The following ITLN2 variants were observed in gnomAD, a reference collection of about 807,000 sequenced individuals.
ITLN2 encodes intelectin-2.
ITLN2 carries 29 observed loss-of-function variants against 39.4 expected under a neutral mutation model. The observed-to-expected ratio is 0.74, with a 90% CI of 0.55 to 1.00. The LOEUF (loss-of-function observed/expected upper bound fraction) is 1.00. Ranked by LOEUF, ITLN2 falls within the 50% of genes least tolerant of loss-of-function variation. ITLN2 has a pLI of 0.00. For missense variants in ITLN2, 412 were observed against 416.7 expected, an observed-to-expected ratio of 0.99 and a Z score of 0.10; for synonymous variants, 156 against 153.4, an observed-to-expected ratio of 1.02 and a Z score of -0.12.
intron 7 of ITLN2, among the ~76,000 whole-genome samples, chr1:160,947,228 A>C (rs2101936591): frequency 6.6e-6 from 1 of 152,338 alleles, no homozygotes; most frequent in African/African-American, 2.4e-5. Context: ...CACATAGGCT[A>C]GATTTATGTT....
intron 2 of ITLN2, among the ~76,000 whole-genome samples, chr1:160,954,065 A>C (rs1169744403): frequency 6.6e-6 from 1 of 152,212 alleles, no homozygotes; most frequent in Non-Finnish European, 1.5e-5. Flanking sequence ...TCCCAAGGCC[A>C]AGGCCACAAG....
At chr1:160,951,475 G>C (rs1051802808) in intron 3 of ITLN2, 185 bp from the exon 4 acceptor site, 19 of 689,804 alleles carry the variant, frequency 2.8e-5, no homozygotes, top group Non-Finnish European at 3.9e-5. Flanking sequence ...TGACTGTCTT[G>C]GCTTCACACT....
intron 7 of ITLN2, among the ~76,000 whole-genome samples, chr1:160,947,199 G>T (rs138813691): frequency 6.6e-6 from 1 of 152,204 alleles, no homozygotes; most frequent in Non-Finnish European, 1.5e-5. Flanking sequence ...TTCAAGGAAA[G>T]GTACTGTGCC....
Position 160,951,087 on chromosome 1 carries a change from T to A in ITLN2, c.397A>T (p.Asn133Tyr). 2 of 1,614,176 alleles carry A rather than the reference T, an allele frequency of 1.2e-6. No individual in the cohort carries two copies. The change falls in exon 4 of 8, where the codon AAC becomes TAC. Residue 133 changes from asparagine (N) to tyrosine (Y), a missense_variant. Coordinates refer to ENST00000368029, the MANE Select transcript of ITLN2 (RefSeq NM_080878.3). ...GCCGCCTCTGCAGATCCAAAGGTGT[T>A]GTAGTTGGCCCAGTTGCCATCCCCC... ...PEGDGNWANY[N>Y]TFGSAEAATS...
chr1:160,953,471 G>C (rs569341189), intron 2 of ITLN2, among the ~76,000 whole-genome samples: 1 of 152,238 alleles, frequency 6.6e-6, no homozygotes, highest in South Asian at 2.1e-4. Context: ...CAGCACTTTC[G>C]GAGGCCGAGG....
chr1:160,954,114 C>A (rs959837029), intron 2 of ITLN2, among the ~76,000 whole-genome samples: 1 of 152,172 alleles, frequency 6.6e-6, no homozygotes, highest in Non-Finnish European at 1.5e-5. Context: ...TCTCTCACCC[C>A]ATGAACCCCT....
At position 160,954,805 on chromosome 1, in the gene ITLN2, A is replaced by C; in HGVS notation, c.-64T>G. The C allele has an allele frequency of 6.4e-7, 1 of 1,570,004 alleles. No homozygotes were observed. Among genetic ancestry groups the C allele is most frequent in the Non-Finnish European group, 8.8e-7 (1 of 1,141,878 alleles). ...GACACTCGGAGCTCCCCTGCAGAGG[A>C]TCCTGATGAAGGGTGAAGTGCTGGT... On this transcript the variant is annotated 5_prime_UTR_variant, in exon 1 of 8. Coordinates refer to ENST00000368029, the MANE Select transcript of ITLN2 (RefSeq NM_080878.3).
chr1:160,946,555 C>CA (rs903149346), intron 7 of ITLN2, among the ~76,000 whole-genome samples: 20 of 150,058 alleles, frequency 1.3e-4, no homozygotes, highest in African/African-American at 2.4e-4. Flanking sequence ...ACTAAAAATA[C>CA]AAAAAAAATT....
In ITLN2 at chr1:160,954,745, T is replaced by C; in HGVS notation, c.-4A>G. Reference sequence around the variant, plus strand: ...TTCTCACCAGCATGGACAGCATCCTTACAGATGCCAGGAGCTGATAGTTCC... The same window carrying C: ...TTCTCACCAGCATGGACAGCATCCTCACAGATGCCAGGAGCTGATAGTTCC... On this transcript the variant is annotated 5_prime_UTR_variant, in exon 1 of 8. Coordinates refer to ENST00000368029, the MANE Select transcript of ITLN2 (RefSeq NM_080878.3). 6.2e-7 allele frequency: 1 copy of C among 1,614,040 alleles called. No individual in the cohort carries two copies. The highest frequency in any genetic ancestry group is 8.5e-7 in the Non-Finnish European group (1 of 1,179,948).
At chr1:160,954,623 C>A (rs1453157978) in intron 1 of ITLN2, 104 bp downstream of exon 1, 7 of 1,412,562 alleles carry the variant, frequency 5.0e-6, no homozygotes, top group Non-Finnish European at 7.0e-6. Context: ...TACAAATACC[C>A]AAGGGGCCAT....
At chr1:160,951,547 T>G in intron 3 of ITLN2, 1 of 433,930 alleles carries the variant, frequency 2.3e-6, no homozygotes, top group Non-Finnish European at 4.0e-6. Flanking sequence ...TATCTCCCTC[T>G]CGACAGTGCC....
chr1:160,950,868 C>A, intron 4 of ITLN2, 157 bp from the exon 5 acceptor site: 2 of 1,460,100 alleles, frequency 1.4e-6, no homozygotes, highest in East Asian at 2.3e-5. Context: ...ATCCCACCAC[C>A]ACCCAGGGCC....
Position 160,945,217 on chromosome 1 carries a change from C to A in ITLN2, c.901G>T (p.Asp301Tyr), listed in dbSNP as rs770716400. The A allele has an allele frequency of 6.2e-7, 1 of 1,607,988 alleles. No individual in the cohort carries two copies. Among genetic ancestry groups the A allele is most frequent in the African/African-American group, 1.3e-5 (1 of 74,394 alleles). The change falls in exon 8 of 8, where the codon GAT (aspartate) becomes TAT (tyrosine). Residue 301 changes from aspartate (D) to tyrosine (Y), a missense_variant. Physicochemically the swap from Asp to Tyr is radical, Grantham distance 160. Coordinates refer to ENST00000368029, the MANE Select transcript of ITLN2 (RefSeq NM_080878.3). Reference sequence around the variant, plus strand: ...CTCTTAACGTGAGTTCCATATCCATCCCAGTCAAAGGCGGAGAAGTCCCCA... The same window carrying A: ...CTCTTAACGTGAGTTCCATATCCATACCAGTCAAAGGCGGAGAAGTCCCCA... ...QCGDFSAFDW[D>Y]GYGTHVKSSC...
At chr1:160,947,269 A>G (rs1671626971) in intron 7 of ITLN2, among the ~76,000 whole-genome samples, 1 of 152,216 alleles carries the variant, frequency 6.6e-6, no homozygotes, top group Non-Finnish European at 1.5e-5. Context: ...AGTGTAGCAA[A>G]GAGTATCAGA....
chr1:160,954,595 C>A, intron 1 of ITLN2, 132 bp downstream of exon 1: 1 of 1,246,316 alleles, frequency 8.0e-7, no homozygotes, highest in Non-Finnish European at 1.2e-6. Flanking sequence ...TGGAATATGC[C>A]CCACGGCTGT....
Position 160,950,074 on chromosome 1 carries a change from A to C in ITLN2, c.693T>G (p.Thr231=), listed in dbSNP as rs1312754189. ...VVYDFGDAKK[T]ASYYSPYGQR... ...GACCATACGGTGAGTAATAAGATGC[A>C]GTCTTCTTAGCATCACCAAAGTCAT... Residue 231 remains threonine, a synonymous_variant, in exon 6 of 8, where the codon ACT becomes ACG. Coordinates refer to ENST00000368029, the MANE Select transcript of ITLN2 (RefSeq NM_080878.3). 1 of 1,613,900 alleles carries C rather than the reference A, an allele frequency of 6.2e-7. No homozygotes were observed. The highest frequency in any genetic ancestry group is 1.1e-5 in the South Asian group (1 of 91,072).
Position 160,954,452 on chromosome 1 carries a change from TA to T in ITLN2, c.16-3del. On this transcript the variant is annotated splice_polypyrimidine_tract_variant and splice_region_variant and intron_variant, in intron 1 of 7. Coordinates refer to ENST00000368029, the MANE Select transcript of ITLN2 (RefSeq NM_080878.3). ...GAAGCAGAGTCTGGTCATTGTCCTC[TA>T]AGGAAAAACAAGATGCACAAGGTCA... The T allele has an allele frequency of 6.3e-7, 1 of 1,576,804 alleles. No individual in the cohort carries two copies. The highest frequency in any genetic ancestry group is 8.6e-7 in the Non-Finnish European group (1 of 1,159,350).
At position 160,950,045 on chromosome 1, in the gene ITLN2, C is replaced by T. The variant is rs375884983; in HGVS notation, c.721+1G>A. ...ACTGGACTTAGGGAGCAAACACTCA[C>T]GTTGACCATACGGTGAGTAATAAGA... On this transcript the variant is annotated splice_donor_variant, in intron 6 of 7. Coordinates refer to ENST00000368029, the MANE Select transcript of ITLN2 (RefSeq NM_080878.3). LOFTEE classifies it high-confidence loss of function. 7 of 1,613,104 alleles carry T rather than the reference C, an allele frequency of 4.3e-6. No homozygotes were observed. The highest frequency in any genetic ancestry group is 2.2e-5 in the South Asian group (2 of 91,038).
Position 160,945,189 on chromosome 1 carries a change from C to G in ITLN2, c.929G>C (p.Ser310Thr), listed in dbSNP as rs752150548. ...WDGYGTHVKS[S>T]CSREITEAAV... ...CGCCTCCGTTATCTCCCGACTGCAG[C>G]TGCTCTTAACGTGAGTTCCATATCC... The change falls in exon 8 of 8, where the codon AGC becomes ACC. Residue 310 changes from serine (S) to threonine (T), a missense_variant. Ser to Thr is a moderately conservative substitution (Grantham distance 58, BLOSUM62 1). Transcript: ENST00000368029. 4 of 1,607,480 alleles carry G rather than the reference C, an allele frequency of 2.5e-6. No homozygotes were observed. In the Admixed American group the frequency reaches 5.2e-5, roughly 21 times the overall value.
Sources: gnomAD v4.1 joint callset for allele counts (sites outside exome capture counted in the v4.1 genomes callset) on GRCh38, gnomAD v4.1.1 for gene constraint, MANE v1.5 for transcripts, NCBI Gene and HGNC (gene_info 2026-07-23, HGNC 2026-07-21) for gene names.